KCNK13: variants seen among roughly 807,000 people sequenced by gnomAD.
KCNK13 encodes the protein potassium channel subfamily K member 13.
Under a neutral mutation model 23.4 loss-of-function variants are expected in KCNK13, and 12 were observed. The observed-to-expected ratio is 0.51, with a 90% CI of 0.33 to 0.83. The LOEUF (loss-of-function observed/expected upper bound fraction) is 0.83, where lower values mean the gene tolerates loss of function less well. KCNK13 is among the 40% of genes least tolerant of loss of function. KCNK13 has a pLI of 0.02. For missense variants in KCNK13, 463 were observed against 556.3 expected (o/e 0.83, Z 1.69); for synonymous variants, 231 against 229.5 (o/e 1.01, Z -0.06).
chr14:90,178,869 A>G (rs1890454229), intron 1 of KCNK13, among the ~76,000 whole-genome samples: 1 of 152,104 alleles, frequency 6.6e-6, no homozygotes, highest in African/African-American at 2.4e-5. Context: ...ATTAAAGTCT[A>G]CAGGACACAA....
chr14:90,139,315 C>T (rs117370123), intron 1 of KCNK13, among the ~76,000 whole-genome samples: 1 of 152,284 alleles, frequency 6.6e-6, no homozygotes, highest in East Asian at 1.9e-4. Flanking sequence ...CTGAGACCTG[C>T]ATCCAGCAGT....
intron 1 of KCNK13, among the ~76,000 whole-genome samples, chr14:90,111,521 T>C (rs1889615032): frequency 6.6e-6 from 1 of 152,148 alleles, no homozygotes; most frequent in Non-Finnish European, 1.5e-5. Flanking sequence ...GTGAATTTCA[T>C]TGATTCTAGT....
chr14:90,123,606 C>T (rs1316404285), intron 1 of KCNK13, among the ~76,000 whole-genome samples: 1 of 152,096 alleles, frequency 6.6e-6, no homozygotes, highest in Non-Finnish European at 1.5e-5. Flanking sequence ...GTTGCCAGTC[C>T]TCGTTTGTGA....
At position 90,149,561 on chromosome 14, in the gene KCNK13, A is replaced by G. The variant is rs976517712; in HGVS notation, c.335-34550A>G. Among the ~76,000 whole-genome samples, 6 of 152,188 alleles carry G rather than the reference A, an allele frequency of 3.9e-5. No individual in the cohort carries two copies. The East Asian group carries it at 7.7e-4, about 20-fold the overall frequency. ...ATCACAAGAATAGCACAGGAGAAGT[A>G]TGCCCCCGTGATTCAATTACCTCCC... On this transcript the variant is annotated intron_variant, in intron 1 of 1. Transcript: ENST00000282146.
At chr14:90,155,949 A>C (rs1566647885) in intron 1 of KCNK13, among the ~76,000 whole-genome samples, 1 of 152,168 alleles carries the variant, frequency 6.6e-6, no homozygotes, top group Admixed American at 6.5e-5. Flanking sequence ...CACACCTGTA[A>C]TCTCAGCACT....
rs567719912 is a variant in KCNK13 at position 90,171,612 on chromosome 14, A to G, written c.335-12499A>G. On this transcript the variant is annotated intron_variant, in intron 1 of 1. Transcript: ENST00000282146. ...AATTTTAGGGAGACATGAGACGTCA[A>G]TTAATATATGTCTGGAAAAGTGGGA... is the stretch of plus-strand genomic sequence containing the variant. 2.6e-5 allele frequency among the ~76,000 whole-genome samples: 4 copies of G among 152,352 alleles called. No homozygotes were observed. In the South Asian group the frequency reaches 6.2e-4, roughly 24 times the overall value.
chr14:90,161,873 C>T (rs1177517569), intron 1 of KCNK13, among the ~76,000 whole-genome samples: 1 of 152,094 alleles, frequency 6.6e-6, no homozygotes, highest in Non-Finnish European at 1.5e-5. Context: ...AGAGCCCTCA[C>T]AAGCATTAAG....
At chr14:90,097,037 G>A (rs1566950825) in intron 1 of KCNK13, among the ~76,000 whole-genome samples, 1 of 152,162 alleles carries the variant, frequency 6.6e-6, no homozygotes, top group Non-Finnish European at 1.5e-5. Context: ...GCCACACGAA[G>A]TACTCAGGGA....
chr14:90,137,737 A>T (rs1889955991), intron 1 of KCNK13, among the ~76,000 whole-genome samples: 1 of 152,140 alleles, frequency 6.6e-6, no homozygotes, highest in Admixed American at 6.6e-5. Flanking sequence ...AATGTAATTG[A>T]CTCCCAGCTG....
chr14:90,182,214 C>G (rs1156441624), intron 1 of KCNK13, among the ~76,000 whole-genome samples: 1 of 152,172 alleles, frequency 6.6e-6, no homozygotes, highest in Non-Finnish European at 1.5e-5. Context: ...AAATGCAGCT[C>G]CTTGTGTGCT....
intron 1 of KCNK13, among the ~76,000 whole-genome samples, chr14:90,099,818 A>G (rs1157961886): frequency 6.6e-6 from 1 of 152,176 alleles, no homozygotes; most frequent in Non-Finnish European, 1.5e-5. Context: ...GAGGGTCCCA[A>G]AGCCACATCC....
At chr14:90,082,221 C>T (rs944550015) in intron 1 of KCNK13, among the ~76,000 whole-genome samples, 5 of 150,802 alleles carry the variant, frequency 3.3e-5, no homozygotes, top group Admixed American at 1.3e-4. Context: ...GCCACCACAC[C>T]CAGCTAATTT....
At chr14:90,123,293 A>G (rs1009278688) in intron 1 of KCNK13, among the ~76,000 whole-genome samples, 1 of 152,194 alleles carries the variant, frequency 6.6e-6, no homozygotes, top group Admixed American at 6.5e-5. Context: ...AGATCAAGGT[A>G]TCAGCAGGAT....
chr14:90,174,072 C>T (rs530691309), intron 1 of KCNK13, among the ~76,000 whole-genome samples: 82 of 152,024 alleles, frequency 5.4e-4, no homozygotes, highest in Non-Finnish European at 7.6e-4. Context: ...TTTGGGAGGC[C>T]GAGGCGGGCG....
chr14:90,165,710 ACCT>A (rs1890295043), intron 1 of KCNK13, among the ~76,000 whole-genome samples: 1 of 152,214 alleles, frequency 6.6e-6, no homozygotes, highest in African/African-American at 2.4e-5. Context: ...GAATTGGGAC[ACCT>A]CCTTGAGATA....
chr14:90,073,862 A>G (rs974481318), intron 1 of KCNK13, among the ~76,000 whole-genome samples: 2 of 152,054 alleles, frequency 1.3e-5, no homozygotes, highest in East Asian at 3.9e-4. Context: ...CAAAATAGAG[A>G]TGGGATTTCA....
chr14:90,062,083 G>A lies in KCNK13; in HGVS notation c.-123G>A. ...GCGGGAGAGCCCGGCGGTCATGGGC[G>A]AGCCGGCGGTGGGGCGCCCGGGAGC... On this transcript the variant is annotated 5_prime_UTR_variant, in exon 1 of 2. Coordinates refer to ENST00000282146, the MANE Select transcript of KCNK13 (RefSeq NM_022054.4). The surrounding 1 kb of genome is among the most constrained non-coding windows in gnomAD (Gnocchi z 4.5). 1.7e-6 allele frequency: 1 copy of A among 595,414 alleles called. No individual in the cohort carries two copies. Among genetic ancestry groups the A allele is most frequent in the Non-Finnish European group, 2.5e-6 (1 of 396,826 alleles). The allele number at this position is 595,414 out of a possible 1,614,324, so 36.9% of individuals were successfully genotyped here.
At chr14:90,170,680 A>G (rs1890355151) in intron 1 of KCNK13, among the ~76,000 whole-genome samples, 1 of 152,156 alleles carries the variant, frequency 6.6e-6, no homozygotes, top group Non-Finnish European at 1.5e-5. Flanking sequence ...GAAAAAATAG[A>G]CATTCATGCC....
chr14:90,129,658 A>C lies in KCNK13; in HGVS notation c.335-54453A>C, dbSNP rs1889844119. On this transcript the variant is annotated intron_variant, in intron 1 of 1. Coordinates refer to ENST00000282146, the MANE Select transcript of KCNK13 (RefSeq NM_022054.4). ...CTGTGACACTTTATTTTCCTATGAC[A>C]GTATGAAAAGTTCCACTGAACCACA... Among the ~76,000 whole-genome samples the C allele has an allele frequency of 2.0e-5, 3 of 152,258 alleles. 1 individual carries two copies. In the South Asian group the frequency reaches 6.2e-4, roughly 32 times the overall value.
Sources: allele counts gnomAD v4.1 joint callset (sites outside exome capture counted in the v4.1 genomes callset), GRCh38; gene constraint gnomAD v4.1.1; non-coding constraint Gnocchi (gnomAD v3.1); transcripts MANE v1.5; gene names NCBI Gene and HGNC (gene_info 2026-07-23, HGNC 2026-07-21).